The following DTNA variants were observed in gnomAD, a reference collection of about 807,000 sequenced individuals.
DTNA encodes the protein dystrophin-related protein 3.
A neutral mutation model predicts 100.7 loss-of-function variants in DTNA; 43 were observed. The ratio of observed to expected loss-of-function variants is 0.43; its 90% confidence interval spans 0.33 to 0.55. The LOEUF (loss-of-function observed/expected upper bound fraction) is 0.55, where lower values mean the gene tolerates loss of function less well. Among genes scored for constraint, DTNA ranks in the 20% least tolerant of loss-of-function variants. The pLI is 0.04. For synonymous variants in DTNA, 349 were observed against 347.9 expected, an observed-to-expected ratio of 1.00 and a Z score of -0.04; for missense variants, 798 against 953.9, an observed-to-expected ratio of 0.84 and a Z score of 2.15.
At chr18:34,813,413 C>T (rs2095525050) in intron 6 of DTNA, among the ~76,000 whole-genome samples, 2 of 149,642 alleles carry the variant, frequency 1.3e-5, no homozygotes, top group Admixed American at 6.6e-5. Flanking sequence ...CACTGCATTC[C>T]AGCCTGGGCG....
intron 1 of DTNA, among the ~76,000 whole-genome samples, chr18:34,539,911 G>C (rs773200987): frequency 6.6e-6 from 1 of 151,450 alleles, no homozygotes; most frequent in Non-Finnish European, 1.5e-5. Context: ...ATTTTGACTG[G>C]TAAAATTAAT....
chr18:34,769,725 CT>C lies in DTNA; in HGVS notation c.148+3699del, dbSNP rs61242937. Among the ~76,000 whole-genome samples, 46 of 53,876 alleles carry C rather than the reference CT, an allele frequency of 8.5e-4. 2 individuals are homozygous for C. Among genetic ancestry groups the C allele is most frequent in the South Asian group, 1.7e-3 (2 of 1,202 alleles). The allele number at this position is 53,876 out of a possible 152,430, so 35.3% of individuals were successfully genotyped here. A position where few individuals can be genotyped will look rare whatever the true frequency, so the allele number is the denominator to read the frequency against. On this transcript the variant is annotated intron_variant, in intron 3 of 22. Transcript: ENST00000444659. Reference sequence around the variant, plus strand: ...GAAGAAGCAAGGCAGCCCTCTGGGGCTTTTTTTTTTTTTTTGACAGAGTTTC... The same window carrying C: ...GAAGAAGCAAGGCAGCCCTCTGGGGCTTTTTTTTTTTTTTGACAGAGTTTC...
At chr18:34,603,222 G>T (rs764610028) in intron 1 of DTNA, among the ~76,000 whole-genome samples, 9 of 149,186 alleles carry the variant, frequency 6.0e-5, no homozygotes, top group Admixed American at 2.0e-4. Context: ...AAAAGAAAAG[G>T]AAAGGAAAGG....
intron 1 of DTNA, among the ~76,000 whole-genome samples, chr18:34,498,748 G>C (rs538520820): frequency 6.6e-6 from 1 of 151,974 alleles, no homozygotes; most frequent in Non-Finnish European, 1.5e-5. Flanking sequence ...AGCTATGTGC[G>C]TATCTTTTCT....
intron 1 of DTNA, among the ~76,000 whole-genome samples, chr18:34,501,973 A>C (rs2039974589): frequency 6.6e-6 from 1 of 152,122 alleles, no homozygotes. Flanking sequence ...TTTTTATCTT[A>C]ATCACTTTCT....
intron 4 of DTNA, among the ~76,000 whole-genome samples, chr18:34,798,502 C>T (rs752205043): frequency 9.9e-5 from 15 of 152,176 alleles, no homozygotes; most frequent in Non-Finnish European, 1.3e-4. Flanking sequence ...TCACCTTCTC[C>T]CTGCTTCCCC....
intron 1 of DTNA, among the ~76,000 whole-genome samples, chr18:34,605,611 A>G (rs932737942): frequency 6.7e-6 from 1 of 149,062 alleles, no homozygotes; most frequent in African/African-American, 2.5e-5. Context: ...TTCTTATGCA[A>G]ACCATCAAAA....
intron 1 of DTNA, among the ~76,000 whole-genome samples, chr18:34,530,648 G>GAGTACTTT (rs1288730201): frequency 6.6e-6 from 1 of 152,078 alleles, no homozygotes; most frequent in African/African-American, 2.4e-5. Context: ...AATCTGTGCT[G>GAGTACTTT]AGTACTTTTG....
intron 1 of DTNA, among the ~76,000 whole-genome samples, chr18:34,728,733 CA>C (rs1205442160): frequency 3.3e-5 from 5 of 152,204 alleles, no homozygotes; most frequent in African/African-American, 9.7e-5. Context: ...GATTCCTACT[CA>C]AACACAAAAC....
intron 1 of DTNA, among the ~76,000 whole-genome samples, chr18:34,563,867 T>A (rs2046853832): frequency 6.6e-6 from 1 of 152,140 alleles, no homozygotes; most frequent in African/African-American, 2.4e-5. Context: ...AACCCCCAAC[T>A]AAGAAAAGGT....
chr18:34,754,194 C>T (rs1302760792), intron 1 of DTNA, among the ~76,000 whole-genome samples: 4 of 152,180 alleles, frequency 2.6e-5, no homozygotes, highest in Non-Finnish European at 5.9e-5. Flanking sequence ...GGTCAGGCTA[C>T]TGGACCAATT....
chr18:34,506,115 G>T (rs1030147823), intron 1 of DTNA, among the ~76,000 whole-genome samples: 4 of 152,170 alleles, frequency 2.6e-5, no homozygotes, highest in Non-Finnish European at 5.9e-5. Flanking sequence ...CAGCTATGAA[G>T]GGTAGAAGTG....
chr18:34,655,150 C>A (rs1047335891), intron 1 of DTNA, among the ~76,000 whole-genome samples: 4 of 152,096 alleles, frequency 2.6e-5, no homozygotes, highest in African/African-American at 9.7e-5. Flanking sequence ...AAAATGTAAA[C>A]CCCCGTTTAA....
chr18:34,703,116 C>A (rs906407911), intron 1 of DTNA, among the ~76,000 whole-genome samples: 22 of 152,280 alleles, frequency 1.4e-4, no homozygotes, highest in African/African-American at 5.1e-4. Context: ...GAAAGCTCAA[C>A]CGCAGGATTG....
intron 18 of DTNA, among the ~76,000 whole-genome samples, chr18:34,876,445 A>G (rs2096819619): frequency 6.6e-6 from 1 of 152,234 alleles, no homozygotes; most frequent in Non-Finnish European, 1.5e-5. Flanking sequence ...TGTAGAGATC[A>G]GAAAGAATAG....
chr18:34,535,344 T>C (rs1409120153), intron 1 of DTNA, among the ~76,000 whole-genome samples: 1 of 152,140 alleles, frequency 6.6e-6, no homozygotes, highest in Non-Finnish European at 1.5e-5. Flanking sequence ...GATTGTTTTT[T>C]CTTGTAAATT....
At position 34,674,705 on chromosome 18, in the gene DTNA, C is replaced by T. The variant is rs193108602; in HGVS notation, c.-1-81271C>T. 1.9e-3 allele frequency among the ~76,000 whole-genome samples: 296 copies of T among 152,222 alleles called. 2 individuals carry two copies. Among genetic ancestry groups the T allele is most frequent in the African/African-American group, 6.9e-3 (285 of 41,508 alleles). The stretch of plus-strand genomic sequence containing the variant: ...TGAGCTTTGTGTTTGCTAACTGTTC[C>T]ACTATCAATCATTTATTCAAACAAG... On this transcript the variant is annotated intron_variant, in intron 1 of 19. Transcript: ENST00000283365.
At chr18:34,717,318 G>C (rs1423340497) in intron 1 of DTNA, among the ~76,000 whole-genome samples, 1 of 152,222 alleles carries the variant, frequency 6.6e-6, no homozygotes, top group East Asian at 1.9e-4. Flanking sequence ...CTAGAATTAA[G>C]CACAACAAAT....
chr18:34,770,440 C>A (rs867597082), intron 3 of DTNA, among the ~76,000 whole-genome samples: 2 of 152,160 alleles, frequency 1.3e-5, no homozygotes, highest in Non-Finnish European at 2.9e-5. Context: ...ATCCAAATTT[C>A]ATAAATGTTG....
Sources: gnomAD v4.1 joint callset for allele counts (sites outside exome capture counted in the v4.1 genomes callset) on GRCh38, gnomAD v4.1.1 for gene constraint, MANE v1.5 for transcripts, NCBI Gene and HGNC (gene_info 2026-07-23, HGNC 2026-07-21) for gene names.